The following PLA2G4C variants were observed in gnomAD, a reference collection of about 807,000 sequenced individuals.
PLA2G4C encodes phospholipase A2 group IVC, also known as cytosolic phospholipase A2 gamma.
PLA2G4C carries 64 observed loss-of-function variants against 73.8 expected under a neutral mutation model. The observed-to-expected ratio is 0.87, with a 90% confidence interval of 0.71 to 1.07. The LOEUF (loss-of-function observed/expected upper bound fraction) is 1.07, where lower values mean the gene tolerates loss of function less well. Among genes scored for constraint, PLA2G4C ranks in the 50% least tolerant of loss-of-function variants. PLA2G4C has a pLI of 0.00. For synonymous variants in PLA2G4C, 254 were observed against 252.1 expected (o/e 1.01, Z -0.07); for missense variants, 622 against 665.4 (o/e 0.93, Z 0.72).
chr19:48,080,672 G>A (rs903736395), intron 10 of PLA2G4C, among the ~76,000 whole-genome samples: 2 of 151,932 alleles, frequency 1.3e-5, no homozygotes, highest in South Asian at 2.1e-4. Context: ...AGCTGGATGC[G>A]GTGGTGCACA....
intron 9 of PLA2G4C, among the ~76,000 whole-genome samples, chr19:48,088,106 G>A (rs924790254): frequency 6.6e-6 from 1 of 152,034 alleles, no homozygotes; most frequent in Admixed American, 6.6e-5. Flanking sequence ...CATCAAACCA[G>A]TCAATAAAAT....
chr19:48,091,440 G>A (rs1343793793), intron 7 of PLA2G4C, among the ~76,000 whole-genome samples: 5 of 151,962 alleles, frequency 3.3e-5, no homozygotes, highest in African/African-American at 9.7e-5. Context: ...TGCCCGCCTC[G>A]GCCTCCCACA....
intron 11 of PLA2G4C, among the ~76,000 whole-genome samples, chr19:48,075,517 A>G (rs1293312337): frequency 6.6e-6 from 1 of 151,914 alleles, no homozygotes; most frequent in Non-Finnish European, 1.5e-5. Context: ...ACACTCATGA[A>G]TTAGATGATG....
At chr19:48,075,164 T>TTATTTATA (rs1287979238) in intron 11 of PLA2G4C, among the ~76,000 whole-genome samples, 1 of 147,622 alleles carries the variant, frequency 6.8e-6, no homozygotes, top group Non-Finnish European at 1.5e-5. Context: ...ATTTATTTAT[T>TTATTTATA]TATTTATTTA....
chr19:48,067,876 A>G lies in PLA2G4C; in HGVS notation c.1017T>C (p.Ser339=), dbSNP rs1284095729. 1.2e-6 allele frequency: 2 copies of G among 1,612,672 alleles called. No homozygotes were observed. The highest frequency in any genetic ancestry group is 1.7e-6 in the Non-Finnish European group (2 of 1,178,650). ...HEDPERKGSL[S]NLMDFVKKTG... is the part of the protein sequence containing the mutation. Reference sequence around the variant, plus strand: ...TTTTCTTCACAAAATCCATCAAGTTACTGAGTGAGCCTAGGGAAAGAAGCC... The same window carrying G: ...TTTTCTTCACAAAATCCATCAAGTTGCTGAGTGAGCCTAGGGAAAGAAGCC... The change falls in exon 13 of 17, where the codon AGT becomes AGC. Residue 339 remains serine (S), a synonymous_variant. Transcript: ENST00000599921.
rs71181639 is a variant in PLA2G4C, at chr19:48,068,303, C to CAA, written c.1007-419_1007-418dup. Among the ~76,000 whole-genome samples, 242 of 75,864 alleles carry CAA rather than the reference C, an allele frequency of 3.2e-3. 5 individuals are homozygous for CAA. The highest frequency in any genetic ancestry group is 9.1e-3 in the Middle Eastern group (1 of 110). 49.8% of individuals were successfully genotyped at this position (75,864 alleles called of 152,430 possible). A position where few individuals can be genotyped will look rare whatever the true frequency, so the allele number is the denominator to read the frequency against. ...CTGATGACGGAGCGAGACTCCATCT[C>CAA]AAAAAAAAAAAAAAAAAAAAAAGTG... On this transcript the variant is annotated intron_variant, in intron 12 of 16. Coordinates refer to ENST00000599921, the MANE Select transcript of PLA2G4C (RefSeq NM_003706.3).
chr19:48,076,921 G>A (rs543317269), intron 11 of PLA2G4C, among the ~76,000 whole-genome samples: 64 of 152,148 alleles, frequency 4.2e-4, no homozygotes, highest in Non-Finnish European at 6.9e-4. Flanking sequence ...GTTTCTTTGC[G>A]CAGCATAGCC....
chr19:48,085,358 G>A lies in PLA2G4C; in HGVS notation c.791-246C>T, dbSNP rs569026813. Among the ~76,000 whole-genome samples the A allele has an allele frequency of 8.5e-5, 13 of 152,250 alleles. No individual in the cohort carries two copies. In the South Asian group the frequency reaches 1.2e-3, roughly 15 times the overall value. ...GAACCTTCTATGGGTGGAGCCAGCC[G>A]GGCACTGTAGACTGGCTACCCCAAG... On this transcript the variant is annotated intron_variant, in intron 9 of 16. Coordinates refer to ENST00000599921, the MANE Select transcript of PLA2G4C (RefSeq NM_003706.3).
At chr19:48,081,703 G>A (rs571655008) in intron 10 of PLA2G4C, among the ~76,000 whole-genome samples, 1 of 152,030 alleles carries the variant, frequency 6.6e-6, no homozygotes, top group Admixed American at 6.6e-5. Context: ...AGGTTGCGGT[G>A]AGCAGAGATC....
chr19:48,068,819 G>A (rs531822356), intron 12 of PLA2G4C, among the ~76,000 whole-genome samples: 46 of 152,094 alleles, frequency 3.0e-4, no homozygotes, highest in African/African-American at 9.6e-4. Context: ...AGAGGATGCG[G>A]TGAGAAGGCG....
At chr19:48,068,189 C>T (rs1245666041) in intron 12 of PLA2G4C, among the ~76,000 whole-genome samples, 1 of 151,802 alleles carries the variant, frequency 6.6e-6, no homozygotes, top group African/African-American at 2.4e-5. Flanking sequence ...CCTGTAGTCC[C>T]AGCTACTGGG....
intron 7 of PLA2G4C, among the ~76,000 whole-genome samples, chr19:48,092,404 G>A (rs1431650609): frequency 6.6e-6 from 1 of 152,160 alleles, no homozygotes; most frequent in East Asian, 1.9e-4. Context: ...CTACCTCTGA[G>A]TATATACCCA....
At chr19:48,062,705 G>A (rs1004670447) in intron 13 of PLA2G4C, among the ~76,000 whole-genome samples, 1 of 152,184 alleles carries the variant, frequency 6.6e-6, no homozygotes, top group Non-Finnish European at 1.5e-5. Context: ...TCTTTAAAGA[G>A]GTAATTAAGG....
intron 1 of PLA2G4C, among the ~76,000 whole-genome samples, chr19:48,109,353 C>T (rs967334543): frequency 2.4e-4 from 37 of 151,334 alleles, no homozygotes; most frequent in Non-Finnish European, 1.2e-4. Flanking sequence ...CTCACTGCAG[C>T]CTCAGCCTCC....
chr19:48,109,041 T>C (rs1485350300), intron 1 of PLA2G4C: 2 of 152,150 alleles, frequency 1.3e-5, no homozygotes, highest in Admixed American at 6.5e-5. Flanking sequence ...ATTCCTCTCA[T>C]GGTAATTTTG....
chr19:48,083,392 CTTTT>C, intron 10 of PLA2G4C, among the ~76,000 whole-genome samples: 1 of 105,836 alleles, frequency 9.4e-6, no homozygotes, highest in African/African-American at 3.6e-5. Flanking sequence ...ATTTTCTTTT[CTTTT>C]TTTTTTTTTT....
intron 9 of PLA2G4C, among the ~76,000 whole-genome samples, chr19:48,087,497 A>G (rs1326762874): frequency 1.3e-5 from 2 of 152,180 alleles, no homozygotes; most frequent in Non-Finnish European, 2.9e-5. Context: ...TACTCAGAAC[A>G]CCAACATTCC....
At chr19:48,048,468 A>G (rs1967603651) in intron 16 of PLA2G4C, 80 bp from the exon 17 acceptor site, 1 of 938,018 alleles carries the variant, frequency 1.1e-6, no homozygotes, top group African/African-American at 1.7e-5. Context: ...GAAGACCTGG[A>G]AGCCTCTACA....
intron 12 of PLA2G4C, among the ~76,000 whole-genome samples, chr19:48,069,137 G>A (rs1968564428): frequency 6.6e-6 from 1 of 151,984 alleles, no homozygotes; most frequent in Non-Finnish European, 1.5e-5. Flanking sequence ...TGACAAATCT[G>A]GTGAGCTGGG....
Sources: gnomAD v4.1 joint callset for allele counts (sites outside exome capture counted in the v4.1 genomes callset) on GRCh38, gnomAD v4.1.1 for gene constraint, MANE v1.5 for transcripts, NCBI Gene and HGNC (gene_info 2026-07-23, HGNC 2026-07-21) for gene names.